C4orf51: variants seen among roughly 807,000 people sequenced by gnomAD.
C4orf51 encodes the protein uncharacterized protein C4orf51.
Under a neutral mutation model 25.2 loss-of-function variants are expected in C4orf51, and 25 were observed. The observed-to-expected ratio is 0.99, with a 90% CI of 0.72 to 1.39. The LOEUF (loss-of-function observed/expected upper bound fraction) is 1.39, where lower values mean the gene tolerates loss of function less well. Among genes scored for constraint, C4orf51 ranks in the 40% most tolerant of loss-of-function variants. C4orf51 has a pLI of 0.00. For missense variants in C4orf51, 252 were observed against 239.6 expected (o/e 1.05, Z -0.34); for synonymous variants, 100 against 84.5 (o/e 1.18, Z -1.01).
intron 2 of C4orf51, among the ~76,000 whole-genome samples, chr4:145,724,291 G>A (rs1578992607): frequency 6.6e-6 from 1 of 152,084 alleles, no homozygotes; most frequent in Non-Finnish European, 1.5e-5. Flanking sequence ...TAATTGTGAA[G>A]GATAAACTTC....
At chr4:145,698,425 C>A (rs1730211512) in intron 2 of C4orf51, among the ~76,000 whole-genome samples, 1 of 152,098 alleles carries the variant, frequency 6.6e-6, no homozygotes, top group South Asian at 2.1e-4. Context: ...GCATGTGCTA[C>A]CAGGTCAGAG....
In C4orf51 at chr4:145,765,716, G is replaced by T. The variant is rs140573202; in HGVS notation, n.167-5272G>T. On this transcript the variant is annotated intron_variant and non_coding_transcript_variant, in intron 1 of 1. Coordinates refer to the C4orf51 transcript ENST00000510096. The surrounding 1 kb of genome is among the most constrained non-coding windows in gnomAD (Gnocchi z 4.7). ...AGGATGAAGAGGGGCTATTTGATTC[G>T]CTGGGGGTCTTCCTGTCTTCCCCTG... 2.5e-6 allele frequency: 4 copies of T among 1,613,706 alleles called. No homozygotes were observed. The South Asian group carries it at 4.4e-5, about 18-fold the overall frequency.
At chr4:145,704,235 T>G (rs563895385) in intron 2 of C4orf51, among the ~76,000 whole-genome samples, 3 of 152,172 alleles carry the variant, frequency 2.0e-5, no homozygotes, top group African/African-American at 7.2e-5. Context: ...CTGTCAGTAT[T>G]GGAGGAAAAA....
chr4:145,775,973 G>A, downstream of C4orf51: 2 of 1,614,030 alleles, frequency 1.2e-6, no homozygotes, highest in Non-Finnish European at 1.7e-6. Context: ...GGGGGAGAAG[G>A]AACAGGAAAA....
chr4:145,759,798 C>T (rs1346828401), intron 1 of C4orf51: 3 of 152,040 alleles, frequency 2.0e-5, no homozygotes, highest in African/African-American at 2.4e-5. Context: ...TATCCAAACC[C>T]CTTTTAATCT....
At chr4:145,781,195 C>CAAAAAAAAAAAAAAAAAAAAAAA in the C4orf51 span, among the ~76,000 whole-genome samples, 85 of 56,554 alleles carry the variant, frequency 1.5e-3, no homozygotes, top group East Asian at 4.1e-3. Context: ...GACACCATCT[C>CAAAAAAAAAAAAAAAAAAAAAAA]AAAAAAAAAA....
At chr4:145,735,550 G>A (rs978269154), downstream of C4orf51, among the ~76,000 whole-genome samples, 1 of 152,178 alleles carries the variant, frequency 6.6e-6, no homozygotes, top group Non-Finnish European at 1.5e-5. Flanking sequence ...ACAGGCCTGA[G>A]TGGAATGGGA....
intron 2 of C4orf51, among the ~76,000 whole-genome samples, chr4:145,723,575 C>G (rs1287908943): frequency 6.6e-6 from 1 of 152,176 alleles, no homozygotes; most frequent in African/African-American, 2.4e-5. Context: ...CTTTTAAAAA[C>G]TAAATACCTG....
At chr4:145,767,677 G>C (rs190444632) in intron 1 of C4orf51, among the ~76,000 whole-genome samples, 1 of 152,286 alleles carries the variant, frequency 6.6e-6, no homozygotes, top group East Asian at 1.9e-4. Flanking sequence ...TTTCTCACTG[G>C]ACACTATGCA....
At chr4:145,737,018 G>A (rs1172490766), downstream of C4orf51, among the ~76,000 whole-genome samples, 2 of 151,782 alleles carry the variant, frequency 1.3e-5, no homozygotes, top group East Asian at 1.9e-4. Flanking sequence ...TGCATCAGCC[G>A]ATCTGAACTA....
Position 145,729,924 on chromosome 4 carries a change from C to G in C4orf51, c.460C>G (p.Leu154Val), listed in dbSNP as rs1732367227. The G allele has an allele frequency of 9.3e-6, 15 of 1,613,934 alleles. No individual in the cohort carries two copies. The highest frequency in any genetic ancestry group is 1.3e-5 in the Non-Finnish European group (15 of 1,179,858). The change falls in exon 5 of 6, where the codon CTG becomes GTG. Residue 154 changes from leucine (L) to valine (V), a missense_variant. Transcript: ENST00000438731. Reference protein sequence around the residue: ...VRPKKPAQEALINYSRRGKGV... With the variant: ...VRPKKPAQEAVINYSRRGKGV... ...ACCTAAAAAGCCAGCACAGGAGGCCCTGATAAACTACAGTCGACGAGGGAA... is the reference window on the plus strand; with the variant it reads ...ACCTAAAAAGCCAGCACAGGAGGCCGTGATAAACTACAGTCGACGAGGGAA...
At chr4:145,708,107 C>T (rs1052201940) in intron 2 of C4orf51, among the ~76,000 whole-genome samples, 5 of 152,224 alleles carry the variant, frequency 3.3e-5, no homozygotes, top group African/African-American at 9.6e-5. Context: ...GAGAAGTGTC[C>T]TTAGGGCAAC....
chr4:145,746,007 G>T (rs1733351550), intron 1 of C4orf51, among the ~76,000 whole-genome samples: 1 of 152,110 alleles, frequency 6.6e-6, no homozygotes. Flanking sequence ...TTTGCCATTT[G>T]TATGTCTTCT....
chr4:145,708,214 GCT>G (rs1730937727), intron 2 of C4orf51, among the ~76,000 whole-genome samples: 1 of 152,178 alleles, frequency 6.6e-6, no homozygotes, highest in Non-Finnish European at 1.5e-5. Context: ...TCCTTATTCT[GCT>G]CTTAGTTATG....
In C4orf51 at chr4:145,680,319, G is replaced by C. The variant is rs190890929; in HGVS notation, c.116G>C (p.Arg39Pro). 13 of 1,613,828 alleles carry C rather than the reference G, an allele frequency of 8.1e-6. No homozygotes were observed. The highest frequency in any genetic ancestry group is 1.1e-5 in the Non-Finnish European group (13 of 1,179,860). Residue 39 changes from arginine to proline, a missense_variant, in exon 1 of 6, where the codon CGA becomes CCA. Transcript: ENST00000438731. ...GGAGCATCTTGGCAGGATGAAACAC[G>C]ATGGTCAGATTCTTCCGTGACAACA... is the stretch of plus-strand genomic sequence containing the variant. ...KAGASWQDET[R>P]WSDSSVTTYT...
chr4:145,729,428 A>G (rs1732311595), intron 4 of C4orf51, among the ~76,000 whole-genome samples, 199 bp downstream of exon 4: 1 of 148,626 alleles, frequency 6.7e-6, no homozygotes, highest in African/African-American at 2.5e-5. Flanking sequence ...CAGCCTCCCG[A>G]GTAGCTGGGA....
intron 2 of C4orf51, among the ~76,000 whole-genome samples, chr4:145,702,368 C>T (rs1730508831): frequency 6.6e-6 from 1 of 151,900 alleles, no homozygotes; most frequent in African/African-American, 2.4e-5. Flanking sequence ...TTCCTTTGCA[C>T]CCTTCATCCC....
At chr4:145,736,684 T>A (rs1579014417), downstream of C4orf51, among the ~76,000 whole-genome samples, 1 of 152,188 alleles carries the variant, frequency 6.6e-6, no homozygotes, top group Non-Finnish European at 1.5e-5. Flanking sequence ...AAGGGCCAGG[T>A]CTTGGCACAG....
rs1156833251 is a variant in C4orf51, at chr4:145,763,495, G to A, written n.167-7493G>A. Among the ~76,000 whole-genome samples the A allele has an allele frequency of 6.6e-6, 1 of 152,166 alleles. No individual in the cohort carries two copies. On this transcript the variant is annotated intron_variant and non_coding_transcript_variant, in intron 1 of 1. Transcript: ENST00000510096. The surrounding 1 kb of genome is among the most constrained non-coding windows in gnomAD (Gnocchi z 4.6). Reference sequence around the variant, plus strand: ...TATTACACAGGGGACGGTTAGCACCGCACGGGAAGTGTCTGTACCAGCAAA... The same window carrying A: ...TATTACACAGGGGACGGTTAGCACCACACGGGAAGTGTCTGTACCAGCAAA...
Sources: allele counts gnomAD v4.1 joint callset (sites outside exome capture counted in the v4.1 genomes callset), GRCh38; gene constraint gnomAD v4.1.1; non-coding constraint Gnocchi (gnomAD v3.1); transcripts MANE v1.5; gene names NCBI Gene and HGNC (gene_info 2026-07-23, HGNC 2026-07-21).